Variants in FGD6 observed in about 807,000 individuals in gnomAD.
FGD6 encodes FYVE, RhoGEF and PH domain-containing protein 6.
Under a neutral mutation model 149.4 loss-of-function variants are expected in FGD6, and 90 were observed. The ratio of observed to expected loss-of-function variants is 0.60; its 90% CI spans 0.51 to 0.72. FGD6 has a LOEUF of 0.72. FGD6 is among the 30% of genes least tolerant of loss of function. The pLI, the probability that FGD6 is intolerant of heterozygous loss-of-function variation, is 0.00. For missense variants in FGD6, 1,437 were observed against 1,684.8 expected, an observed-to-expected ratio of 0.85 and a Z score of 2.57; for synonymous variants, 527 against 584.0, an observed-to-expected ratio of 0.90 and a Z score of 1.41.
chr12:95,204,695 C>T (rs564272638), intron 2 of FGD6, among the ~76,000 whole-genome samples: 3 of 145,102 alleles, frequency 2.1e-5, no homozygotes, highest in Non-Finnish European at 4.5e-5. Context: ...CACAGGGACA[C>T]ACGTGCATGC....
intron 8 of FGD6, among the ~76,000 whole-genome samples, chr12:95,115,020 T>C (rs1174466704): frequency 2.6e-5 from 4 of 152,248 alleles, no homozygotes; most frequent in Non-Finnish European, 5.9e-5. Context: ...AAGGCTCTTC[T>C]TAAATGCCCC....
At chr12:95,200,855 T>C (rs759602458) in intron 2 of FGD6, among the ~76,000 whole-genome samples, 3 of 151,452 alleles carry the variant, frequency 2.0e-5, no homozygotes, top group Non-Finnish European at 4.4e-5. Context: ...CAGAAGAAAG[T>C]AGGCAGTTCC....
chr12:95,209,371 C>G lies in FGD6; in HGVS notation c.1913G>C (p.Cys638Ser). The G allele has an allele frequency of 1.2e-6, 2 of 1,613,492 alleles. No individual in the cohort carries two copies. Among genetic ancestry groups the G allele is most frequent in the Non-Finnish European group, 1.7e-6 (2 of 1,179,654 alleles). ...KKLLSMKLSI[C>S]FMKSDFQKFW... Reference sequence around the variant, plus strand: ...TTTTTGAAAGTCACTCTTCATGAAACAGATGGACAGTTTCATGCTGAGCAA... The same window carrying G: ...TTTTTGAAAGTCACTCTTCATGAAAGAGATGGACAGTTTCATGCTGAGCAA... The change falls in exon 2 of 21, where the codon TGT becomes TCT. Residue 638 changes from cysteine (C) to serine (S), a missense_variant. Cys to Ser is a moderately radical substitution (Grantham distance 112). Transcript: ENST00000343958.
chr12:95,193,908 T>C (rs1003161126), intron 2 of FGD6, among the ~76,000 whole-genome samples: 8 of 151,898 alleles, frequency 5.3e-5, no homozygotes, highest in African/African-American at 1.9e-4. Context: ...TTGTTACATT[T>C]TATTTTCTAC....
At chr12:95,109,610 C>A (rs1055942991) in intron 9 of FGD6, among the ~76,000 whole-genome samples, 1 of 152,044 alleles carries the variant, frequency 6.6e-6, no homozygotes, top group African/African-American at 2.4e-5. Flanking sequence ...CGCCTGTAAT[C>A]CGAACACTTT....
At chr12:95,145,132 T>C (rs532184710) in intron 5 of FGD6, among the ~76,000 whole-genome samples, 2 of 151,692 alleles carry the variant, frequency 1.3e-5, no homozygotes, top group East Asian at 3.9e-4. Context: ...GGATTATAGG[T>C]GTGTGCCACC....
intron 2 of FGD6, among the ~76,000 whole-genome samples, chr12:95,194,082 T>C (rs1374729099): frequency 1.3e-5 from 2 of 151,840 alleles, no homozygotes; most frequent in Non-Finnish European, 2.9e-5. Flanking sequence ...TACGGGCATG[T>C]ACCATCACGT....
Position 95,081,484 on chromosome 12 carries a change from C to A in FGD6, c.*36G>T. On this transcript the variant is annotated 3_prime_UTR_variant, in exon 21 of 21. Coordinates refer to ENST00000343958, the MANE Select transcript of FGD6 (RefSeq NM_018351.4). ...TTACTCCATTCTGATGAAATTCCAC[C>A]TCTTTGGAATCACAGAAGAGATGAA... 1 of 1,566,462 alleles carries A rather than the reference C, an allele frequency of 6.4e-7. No homozygotes were observed.
At chr12:95,182,361 C>T (rs1472564888) in intron 2 of FGD6, among the ~76,000 whole-genome samples, 4 of 151,920 alleles carry the variant, frequency 2.6e-5, no homozygotes, top group African/African-American at 4.8e-5. Flanking sequence ...CCACCACGCC[C>T]GGCTAATTTT....
chr12:95,112,851 T>G (rs1878876322), intron 9 of FGD6, among the ~76,000 whole-genome samples: 1 of 152,214 alleles, frequency 6.6e-6, no homozygotes, highest in Non-Finnish European at 1.5e-5. Context: ...AAGGCTAATA[T>G]CCTATTGTTA....
rs961963662 is a variant in FGD6 at position 95,084,723 on chromosome 12, T to C, written c.4108-77A>G. The C allele has an allele frequency of 6.0e-6, 7 of 1,174,270 alleles. No homozygotes were observed. The African/African-American group carries it at 1.1e-4, about 18-fold the overall frequency. 72.7% of individuals were successfully genotyped at this position (1,174,270 alleles called of 1,614,324 possible). A position where few individuals can be genotyped will look rare whatever the true frequency, so the allele number is the denominator to read the frequency against. On this transcript the variant is annotated intron_variant, in intron 19 of 20. Transcript: ENST00000343958. The stretch of plus-strand genomic sequence containing the variant: ...CAGATTTGAAAACTCTTGATCTACA[T>C]AGCTCTAATTTAATTTCAATTATTC...
chr12:95,108,323 G>A, intron 11 of FGD6, 25 bp downstream of exon 11: 1 of 1,604,948 alleles, frequency 6.2e-7, no homozygotes, highest in Non-Finnish European at 8.5e-7. Context: ...TATTAAGTTT[G>A]CGAAAAGCAA....
At chr12:95,202,390 A>AAAAATAGAATAAAATAAAAT (rs2056668357) in intron 2 of FGD6, among the ~76,000 whole-genome samples, 1 of 141,708 alleles carries the variant, frequency 7.1e-6, no homozygotes, top group African/African-American at 2.6e-5. Flanking sequence ...CCATTTCCCA[A>AAAAATAGAATAAAATAAAAT]AAAATAAAAT....
At chr12:95,127,846 T>G (rs1879392331) in intron 8 of FGD6, among the ~76,000 whole-genome samples, 1 of 152,190 alleles carries the variant, frequency 6.6e-6, no homozygotes, top group Non-Finnish European at 1.5e-5. Context: ...GACTATTTTT[T>G]TCTAACTACA....
intron 2 of FGD6, among the ~76,000 whole-genome samples, chr12:95,202,409 A>ATAAAATAAAATAAAG (rs2056668600): frequency 6.6e-6 from 1 of 151,552 alleles, no homozygotes; most frequent in African/African-American, 2.4e-5. Context: ...ATAAAATAAA[A>ATAAAATAAAATAAAG]TAAAATAAAA....
intron 3 of FGD6, among the ~76,000 whole-genome samples, chr12:95,169,247 G>C (rs1880918003): frequency 9.1e-6 from 1 of 109,914 alleles, no homozygotes; most frequent in Non-Finnish European, 2.0e-5. Context: ...ACAATTTATT[G>C]TATATTTTAA....
intron 3 of FGD6, among the ~76,000 whole-genome samples, chr12:95,170,736 C>T (rs1880967275): frequency 6.6e-6 from 1 of 152,180 alleles, no homozygotes; most frequent in East Asian, 1.9e-4. Flanking sequence ...AGTGCAAATT[C>T]TATAAACATT....
intron 5 of FGD6, among the ~76,000 whole-genome samples, chr12:95,142,890 T>C (rs543239158): frequency 2.6e-5 from 4 of 152,282 alleles, no homozygotes; most frequent in African/African-American, 9.6e-5. Context: ...CTAGACTATC[T>C]GTACCATGTT....
intron 5 of FGD6, among the ~76,000 whole-genome samples, chr12:95,144,621 A>T (rs898835768): frequency 6.6e-6 from 1 of 151,766 alleles, no homozygotes; most frequent in African/African-American, 2.4e-5. Context: ...CGAACTCCCA[A>T]CCTCAGGTGA....
Sources: allele counts gnomAD v4.1 joint callset (sites outside exome capture counted in the v4.1 genomes callset), GRCh38; gene constraint gnomAD v4.1.1; transcripts MANE v1.5; gene names NCBI Gene and HGNC (gene_info 2026-07-23, HGNC 2026-07-21).